CCDC178: variants seen among roughly 807,000 people sequenced by gnomAD.
CCDC178 encodes coiled-coil domain-containing protein 178.
CCDC178 carries 126 observed loss-of-function variants against 117.4 expected under a neutral mutation model. The ratio of observed to expected loss-of-function variants is 1.07; its 90% confidence interval spans 0.93 to 1.24. CCDC178 has a LOEUF of 1.24. Ranked by LOEUF, CCDC178 falls within the 50% of genes most tolerant of loss-of-function variation. The probability of loss-of-function intolerance (pLI) is 0.00; values close to 1 mark genes in which losing one functional copy is unlikely to be tolerated. For synonymous variants in CCDC178, 283 were observed against 313.4 expected, an observed-to-expected ratio of 0.90 and a Z score of 1.02; for missense variants, 1,030 against 986.9, an observed-to-expected ratio of 1.04 and a Z score of -0.59.
rs1168551061 is a variant in CCDC178 at position 33,147,140 on chromosome 18, TC to T, written c.2239-54231del. ...ATTAGGCATTATCTGGTAGCTGATT[TC>T]TTTTTTTTTTTTTTTTTTTGTAAGG... On this transcript the variant is annotated intron_variant, in intron 20 of 22. Coordinates refer to ENST00000383096, the MANE Select transcript of CCDC178 (RefSeq NM_001105528.4). Among the ~76,000 whole-genome samples, 11 of 142,540 alleles carry T rather than the reference TC, an allele frequency of 7.7e-5. No homozygotes were observed. The Middle Eastern group carries it at 0.011, about 137-fold the overall frequency. 93.5% of individuals were successfully genotyped at this position (142,540 alleles called of 152,430 possible). A position where few individuals can be genotyped will look rare whatever the true frequency, so the allele number is the denominator to read the frequency against.
chr18:33,301,047 A>G (rs1307725467), intron 11 of CCDC178, among the ~76,000 whole-genome samples: 2 of 152,240 alleles, frequency 1.3e-5, no homozygotes, highest in African/African-American at 2.4e-5. Flanking sequence ...GCCCAGGAGG[A>G]AAGAACTGTT....
chr18:33,325,106 T>G (rs1306437469), intron 10 of CCDC178, among the ~76,000 whole-genome samples: 3 of 151,994 alleles, frequency 2.0e-5, no homozygotes, highest in Non-Finnish European at 2.9e-5. Flanking sequence ...TAAATTATAA[T>G]AGGGATGTCA....
At chr18:32,970,107 C>G (rs2054894273) in intron 22 of CCDC178, among the ~76,000 whole-genome samples, 2 of 152,052 alleles carry the variant, frequency 1.3e-5, no homozygotes, top group South Asian at 4.1e-4. Context: ...TTGTGGTCAA[C>G]TGAAATCCCT....
At position 32,948,101 on chromosome 18, in the gene CCDC178, CTT is replaced by C. The variant is rs760270231; in HGVS notation, c.2524-10012_2524-10011del. ...TGCCTCATTTTTTTGGTTACTGTAACTTTATAATGAATTTTGAAATTAGGTAT... is the reference window on the plus strand; with the variant it reads ...TGCCTCATTTTTTTGGTTACTGTAACTATAATGAATTTTGAAATTAGGTAT... On this transcript the variant is annotated intron_variant, in intron 22 of 22. Coordinates refer to ENST00000383096, the MANE Select transcript of CCDC178 (RefSeq NM_001105528.4). Among the ~76,000 whole-genome samples, 48 of 151,998 alleles carry C rather than the reference CTT, an allele frequency of 3.2e-4. 1 individual carries two copies. The highest frequency in any genetic ancestry group is 3.2e-3 in the Middle Eastern group (1 of 316).
chr18:33,072,428 G>A (rs2057125644), intron 21 of CCDC178, among the ~76,000 whole-genome samples: 1 of 152,066 alleles, frequency 6.6e-6, no homozygotes, highest in Non-Finnish European at 1.5e-5. Flanking sequence ...ATATGCAATA[G>A]CCACTATGTT....
chr18:33,111,975 A>G (rs1442085838), intron 20 of CCDC178, among the ~76,000 whole-genome samples: 2 of 151,752 alleles, frequency 1.3e-5, no homozygotes, highest in Non-Finnish European at 2.9e-5. Flanking sequence ...AAGTTTGGCT[A>G]TTAATTTTTC....
At chr18:33,120,390 T>C (rs757764942) in intron 20 of CCDC178, among the ~76,000 whole-genome samples, 2 of 152,030 alleles carry the variant, frequency 1.3e-5, no homozygotes, top group African/African-American at 2.4e-5. Flanking sequence ...AGGTGGGTAA[T>C]GAGAGGTAGT....
chr18:33,215,901 A>T (rs1030276299), intron 18 of CCDC178, among the ~76,000 whole-genome samples: 1 of 151,950 alleles, frequency 6.6e-6, no homozygotes, highest in Non-Finnish European at 1.5e-5. Context: ...TTCAAGACCA[A>T]CCTGGACAAC....
chr18:33,367,206 G>T (rs1434728304), intron 6 of CCDC178, among the ~76,000 whole-genome samples: 1 of 152,052 alleles, frequency 6.6e-6, no homozygotes, highest in East Asian at 1.9e-4. Context: ...GGCACAGAAA[G>T]ACAAGCATCA....
intron 20 of CCDC178, among the ~76,000 whole-genome samples, chr18:33,099,488 A>C (rs1057304493): frequency 2.6e-5 from 4 of 152,042 alleles, no homozygotes; most frequent in African/African-American, 2.4e-5. Flanking sequence ...AGAATAAACA[A>C]GACAAGCGGG....
intron 20 of CCDC178, among the ~76,000 whole-genome samples, chr18:33,116,776 C>T (rs950370067): frequency 6.6e-6 from 1 of 152,100 alleles, no homozygotes; most frequent in Non-Finnish European, 1.5e-5. Flanking sequence ...TCTCTTTTAC[C>T]AGGAAAAGCC....
chr18:33,080,988 A>G (rs1027313911), intron 21 of CCDC178, among the ~76,000 whole-genome samples: 2 of 152,160 alleles, frequency 1.3e-5, no homozygotes, highest in African/African-American at 4.8e-5. Flanking sequence ...CATAAAAGGA[A>G]AAAGAAACAC....
intron 5 of CCDC178, among the ~76,000 whole-genome samples, chr18:33,379,447 C>A (rs1228611480): frequency 6.6e-6 from 1 of 151,916 alleles, no homozygotes; most frequent in African/African-American, 2.4e-5. Context: ...GGGAGAAGCT[C>A]TTTTTTTGCT....
chr18:33,078,966 C>A (rs1019437698), intron 21 of CCDC178, among the ~76,000 whole-genome samples: 9 of 152,004 alleles, frequency 5.9e-5, no homozygotes, highest in African/African-American at 1.9e-4. Flanking sequence ...CCTGAATAGC[C>A]AAGGCAATCC....
chr18:33,053,854 T>C (rs1007630567), intron 21 of CCDC178, among the ~76,000 whole-genome samples: 2 of 152,226 alleles, frequency 1.3e-5, no homozygotes, highest in African/African-American at 4.8e-5. Context: ...CTTTTTGTTT[T>C]GAAATTGTAT....
At chr18:33,260,345 C>T (rs9962363) in intron 14 of CCDC178, among the ~76,000 whole-genome samples, 10,233 of 152,040 alleles carry the variant, frequency 0.067, 511 homozygotes, top group African/African-American at 0.14. Context: ...ATGATTACTA[C>T]ACATTTGTTT....
intron 2 of CCDC178, among the ~76,000 whole-genome samples, chr18:33,420,986 G>A (rs1312722719): frequency 6.6e-6 from 1 of 152,114 alleles, no homozygotes; most frequent in East Asian, 1.9e-4. Flanking sequence ...ATAACATGTG[G>A]AATACAACCA....
intron 22 of CCDC178, among the ~76,000 whole-genome samples, chr18:32,956,346 T>G (rs2054592472): frequency 6.6e-6 from 1 of 152,204 alleles, no homozygotes. Context: ...ATAAAGTGTT[T>G]TCTCTCACAA....
intron 2 of CCDC178, among the ~76,000 whole-genome samples, chr18:33,436,915 G>A (rs766195740): frequency 2.0e-4 from 31 of 152,188 alleles, no homozygotes; most frequent in Non-Finnish European, 3.2e-4. Flanking sequence ...GCGTGACCCA[G>A]AGGTGGGAGA....
Sources: allele counts gnomAD v4.1 joint callset (sites outside exome capture counted in the v4.1 genomes callset), GRCh38; gene constraint gnomAD v4.1.1; transcripts MANE v1.5; gene names NCBI Gene and HGNC (gene_info 2026-07-23, HGNC 2026-07-21).